The following TNN variants were observed in gnomAD, a reference collection of about 807,000 sequenced individuals.
TNN encodes the protein tenascin-N.
In TNN, 122 loss-of-function variants were observed where a neutral mutation model predicts 134.4. The observed-to-expected ratio is 0.91, with a 90% confidence interval of 0.78 to 1.06. The LOEUF is 1.06. Among genes scored for constraint, TNN ranks in the 50% least tolerant of loss-of-function variants. The probability of loss-of-function intolerance (pLI) is 0.00; values close to 1 mark genes in which losing one functional copy is unlikely to be tolerated. For missense variants in TNN, 1,739 were observed against 1,699.4 expected (o/e 1.02, Z -0.41); for synonymous variants, 710 against 670.3 (o/e 1.06, Z -0.91).
intron 13 of TNN, among the ~76,000 whole-genome samples, chr1:175,127,388 T>A (rs1215773230): frequency 6.6e-6 from 1 of 152,238 alleles, no homozygotes; most frequent in East Asian, 1.9e-4. Flanking sequence ...TCAAGGGTTA[T>A]ACCTCCCCTT....
intron 17 of TNN, among the ~76,000 whole-genome samples, chr1:175,143,770 G>A (rs536444193): frequency 2.0e-5 from 3 of 152,324 alleles, no homozygotes; most frequent in African/African-American, 7.2e-5. Flanking sequence ...TCACCTCCAC[G>A]TGGTATGAAG....
In TNN at chr1:175,094,149, G is replaced by C. The variant is rs780059277; in HGVS notation, c.1484G>C (p.Ser495Thr). 3.7e-6 allele frequency: 6 copies of C among 1,614,068 alleles called. No individual in the cohort carries two copies. In the East Asian group the frequency reaches 1.3e-4, roughly 36 times the overall value. The change falls in exon 7 of 19, where the codon AGC (serine) becomes ACC (threonine). Residue 495 changes from serine (S) to threonine (T), a missense_variant. Ser to Thr is a moderately conservative substitution (Grantham distance 58). Coordinates refer to ENST00000239462, the MANE Select transcript of TNN (RefSeq NM_022093.2). ...ATGGCAGTGCACAAGGATGAGAGCAGCACTGTCCTGACGGGCCTGAAGCCA... is the reference window on the plus strand; with the variant it reads ...ATGGCAGTGCACAAGGATGAGAGCACCACTGTCCTGACGGGCCTGAAGCCA... The part of the protein sequence containing the change: ...KEMAVHKDES[S>T]TVLTGLKPGE...
In TNN at chr1:175,111,345, GGCATGATGGTGCAC is replaced by G. The variant is rs200280525; in HGVS notation, c.2120-5591_2120-5578del. On this transcript the variant is annotated intron_variant, in intron 9 of 18. Transcript: ENST00000239462. ...AAACAAAAGCAAAAATAATTAGCTG[GGCATGATGGTGCAC>G]GCCTGTAATCCCAGCTACTGGGGAG... 1.0e-3 allele frequency among the ~76,000 whole-genome samples: 156 copies of G among 151,112 alleles called. 4 individuals are homozygous for G. In the East Asian group the frequency reaches 0.026, roughly 25 times the overall value.
chr1:175,128,300 T>A, intron 14 of TNN, 136 bp downstream of exon 14: 5 of 906,434 alleles, frequency 5.5e-6, no homozygotes, highest in Non-Finnish European at 8.2e-6. Flanking sequence ...GAAATGGGGT[T>A]GTGTGTTCAA....
chr1:175,115,492 G>A (rs2101833777), intron 9 of TNN, among the ~76,000 whole-genome samples: 1 of 152,312 alleles, frequency 6.6e-6, no homozygotes, highest in South Asian at 2.1e-4. Flanking sequence ...GGGATGTGGA[G>A]TCGTTCCACT....
chr1:175,079,583 C>G lies in TNN; in HGVS notation c.660C>G (p.His220Gln). Reference protein sequence around the residue: ...GECVRGVCQCHEDFMSEDCSE... With the variant: ...GECVRGVCQCQEDFMSEDCSE... Reference sequence around the variant, plus strand: ...GCGTGCGCGGCGTGTGCCAGTGCCACGAAGACTTCATGTCGGAGGACTGCA... The same window carrying G: ...GCGTGCGCGGCGTGTGCCAGTGCCAGGAAGACTTCATGTCGGAGGACTGCA... The change falls in exon 3 of 19, where the codon CAC becomes CAG. Residue 220 changes from histidine (H) to glutamine (Q), a missense_variant. Coordinates refer to ENST00000239462, the MANE Select transcript of TNN (RefSeq NM_022093.2). 6.3e-7 allele frequency: 1 copy of G among 1,589,822 alleles called. No homozygotes were observed. The highest frequency in any genetic ancestry group is 1.1e-5 in the South Asian group (1 of 87,944).
At chr1:175,085,868 C>A (rs1206415618) in intron 6 of TNN, among the ~76,000 whole-genome samples, 1 of 104,286 alleles carries the variant, frequency 9.6e-6, no homozygotes, top group African/African-American at 4.3e-5. Flanking sequence ...GAGTGAAACT[C>A]CATCTCAAAA....
chr1:175,070,098 T>C (rs538512333), intron 1 of TNN, among the ~76,000 whole-genome samples: 1 of 152,306 alleles, frequency 6.6e-6, no homozygotes, highest in Non-Finnish European at 1.5e-5. Context: ...TTTTATCTTG[T>C]TATTGTGCAT....
At chr1:175,121,954 A>G (rs1675387471) in intron 11 of TNN, among the ~76,000 whole-genome samples, 1 of 152,252 alleles carries the variant, frequency 6.6e-6, no homozygotes, top group Non-Finnish European at 1.5e-5. Flanking sequence ...AATACAGGCC[A>G]GGCACCGTGG....
chr1:175,099,097 T>C (rs550319288), intron 9 of TNN, among the ~76,000 whole-genome samples: 1 of 152,218 alleles, frequency 6.6e-6, no homozygotes, highest in African/African-American at 2.4e-5. Context: ...CCCCCAGATG[T>C]AATTATGTCT....
rs373579684 is a variant in TNN at position 175,123,563 on chromosome 1, T to A, written c.2814T>A (p.Thr938=). The A allele has an allele frequency of 6.2e-7, 1 of 1,613,986 alleles. No individual in the cohort carries two copies. The highest frequency in any genetic ancestry group is 8.5e-7 in the Non-Finnish European group (1 of 1,179,900). ...CGGTGGGGAAGGAGCACAGCAGCAC[T>A]GTCCTGACGGGCCTGAGACCAGGCA... ...EVPVGKEHSS[T]VLTGLRPGME... Residue 938 remains threonine (T), a synonymous_variant, in exon 12 of 19, where the codon ACT becomes ACA. Coordinates refer to ENST00000239462, the MANE Select transcript of TNN (RefSeq NM_022093.2).
chr1:175,128,284 G>A (rs1675583379), intron 14 of TNN, 120 bp downstream of exon 14: 3 of 1,012,578 alleles, frequency 3.0e-6, no homozygotes, highest in African/African-American at 1.6e-5. Context: ...TAGGCATGGG[G>A]AAGTGGAAAT....
Position 175,079,520 on chromosome 1 carries a change from C to G in TNN, c.597C>G (p.Tyr199Ter). 1.3e-6 allele frequency: 2 copies of G among 1,562,618 alleles called. No homozygotes were observed. Among genetic ancestry groups the G allele is most frequent in the South Asian group, 2.3e-5 (2 of 85,730 alleles). Reference protein sequence around the residue: ...HEPYVGADCGYPACPENCSGH... With the variant: ...HEPYVGADCG ...CCTACGTGGGTGCCGACTGCGGCTA[C>G]CCGGCCTGCCCTGAGAACTGCAGCG... The change falls in exon 3 of 19, where the codon TAC becomes TAG. Residue 199 changes from tyrosine (Y) to a stop codon, truncating the protein, a stop_gained. Transcript: ENST00000239462. LOFTEE classifies it high-confidence loss of function.
At chr1:175,126,592 T>C (rs1305476351) in intron 12 of TNN, among the ~76,000 whole-genome samples, 1 of 152,122 alleles carries the variant, frequency 6.6e-6, no homozygotes, top group Non-Finnish European at 1.5e-5. Context: ...CCCTTTCAGA[T>C]CTGTGGCCCT....
intron 7 of TNN, among the ~76,000 whole-genome samples, chr1:175,096,428 T>G (rs184188864): frequency 1.7e-3 from 253 of 152,300 alleles, no homozygotes; most frequent in African/African-American, 5.4e-3. Flanking sequence ...TGCTGAACTT[T>G]GCTCCCTAGG....
chr1:175,093,868 C>A, intron 6 of TNN, 122 bp from the exon 7 acceptor site: 1 of 969,776 alleles, frequency 1.0e-6, no homozygotes, highest in Non-Finnish European at 1.5e-6. Context: ...GATGGAGAGA[C>A]CCCCTTGTAT....
chr1:175,130,029 A>G (rs1350811046), intron 15 of TNN, among the ~76,000 whole-genome samples: 1 of 152,216 alleles, frequency 6.6e-6, no homozygotes, highest in Non-Finnish European at 1.5e-5. Context: ...TGATTGCATC[A>G]GCCTGATCCA....
chr1:175,111,611 C>T (rs1376301266), intron 9 of TNN, among the ~76,000 whole-genome samples: 1 of 146,682 alleles, frequency 6.8e-6, no homozygotes, highest in African/African-American at 2.5e-5. Context: ...TTACAATATT[C>T]TTCCCATTCA....
intron 6 of TNN, among the ~76,000 whole-genome samples, chr1:175,090,916 C>T (rs1174496490): frequency 6.6e-6 from 1 of 152,166 alleles, no homozygotes; most frequent in Admixed American, 6.5e-5. Flanking sequence ...TTGGGAAGTT[C>T]CAGCCTGGGG....
Sources: gnomAD v4.1 joint callset for allele counts (sites outside exome capture counted in the v4.1 genomes callset) on GRCh38, gnomAD v4.1.1 for gene constraint, MANE v1.5 for transcripts, NCBI Gene and HGNC (gene_info 2026-07-23, HGNC 2026-07-21) for gene names.